A2M: variants seen among roughly 807,000 people sequenced by gnomAD.
The protein encoded by A2M is C3 and PZP-like alpha-2-macroglobulin domain-containing protein 5.
A2M carries 128 observed loss-of-function variants against 183.9 expected under a neutral mutation model. The observed-to-expected ratio is 0.70, with a 90% CI of 0.60 to 0.81. The LOEUF is 0.81. A2M is among the 30% of genes least tolerant of loss of function. The pLI is 0.00. For synonymous variants in A2M, 592 were observed against 670.8 expected, an observed-to-expected ratio of 0.88 and a Z score of 1.81; for missense variants, 1,495 against 1,787.6, an observed-to-expected ratio of 0.84 and a Z score of 2.95.
intron 22 of A2M, among the ~76,000 whole-genome samples, chr12:9,088,063 G>A (rs1949101038): frequency 6.6e-6 from 1 of 152,028 alleles, no homozygotes; most frequent in African/African-American, 2.4e-5. Flanking sequence ...TTTAACATAG[G>A]TAAATCTCCA....
At chr12:9,073,965 G>A (rs1006753562) in intron 29 of A2M, among the ~76,000 whole-genome samples, 2 of 151,902 alleles carry the variant, frequency 1.3e-5, no homozygotes, top group African/African-American at 4.8e-5. Flanking sequence ...GCACATGACT[G>A]TAATCCTAGA....
rs774606401 is a variant in A2M, at chr12:9,104,181, G to A, written c.1266+58C>T. 179 of 1,551,898 alleles carry A rather than the reference G, an allele frequency of 1.2e-4. 5 individuals are homozygous for A. The South Asian group carries it at 2.1e-3, about 18-fold the overall frequency. On this transcript the variant is annotated intron_variant, in intron 11 of 35. Transcript: ENST00000318602. Reference sequence around the variant, plus strand: ...AGTTTGGAAATTTTCTCACCCTTAGGTTGCAACCTTGTTTCCAAGGCTACT... The same window carrying A: ...AGTTTGGAAATTTTCTCACCCTTAGATTGCAACCTTGTTTCCAAGGCTACT...
At chr12:9,116,101 T>G, upstream of A2M, 1 of 463,734 alleles carries the variant, frequency 2.2e-6, no homozygotes, top group East Asian at 4.5e-5. Context: ...GGGCTAAAAC[T>G]ACATTCCCAT....
intron 13 of A2M, among the ~76,000 whole-genome samples, chr12:9,100,940 T>C (rs1414445764): frequency 6.6e-6 from 1 of 152,048 alleles, no homozygotes; most frequent in East Asian, 1.9e-4. Flanking sequence ...GACTGCAAAT[T>C]GGGTACAATG....
At chr12:9,087,209 T>C (rs1949076592) in intron 22 of A2M, among the ~76,000 whole-genome samples, 1 of 148,276 alleles carries the variant, frequency 6.7e-6, no homozygotes, top group African/African-American at 2.5e-5. Context: ...CAAAGCAATC[T>C]ACATATTGAA....
At position 9,112,379 on chromosome 12, in the gene A2M, G is replaced by T; in HGVS notation, c.428C>A (p.Thr143Lys). The T allele has an allele frequency of 1.2e-6, 2 of 1,613,436 alleles. No homozygotes were observed. The highest frequency in any genetic ancestry group is 1.7e-6 in the Non-Finnish European group (2 of 1,179,466). The change falls in exon 3 of 36, where the codon ACA (threonine) becomes AAA (lysine). Residue 143 changes from threonine to lysine, a missense_variant and splice_region_variant. Transcript: ENST00000318602. Reference protein sequence around the residue: ...TDKSIYKPGQTVKFRVVSMDE... With the variant: ...TDKSIYKPGQKVKFRVVSMDE... ...CCTGTCTGTAGGCTTCTTCATACCTGTCTGCCCTGGTTTGTAGATTGATTT... is the reference window on the plus strand; with the variant it reads ...CCTGTCTGTAGGCTTCTTCATACCTTTCTGCCCTGGTTTGTAGATTGATTT...
At chr12:9,068,028 G>T in intron 35 of A2M, 155 bp downstream of exon 35, 1 of 989,364 alleles carries the variant, frequency 1.0e-6, no homozygotes, top group Non-Finnish European at 1.5e-6. Flanking sequence ...AGAGTCAGCG[G>T]CCCTCTCCAA....
At chr12:9,095,727 C>T (rs1436349080) in intron 15 of A2M, 27 bp from the exon 16 acceptor site, 2 of 773,612 alleles carry the variant, frequency 2.6e-6, no homozygotes, top group East Asian at 3.0e-5. Flanking sequence ...GACAAAAAGG[C>T]AAACTTATTT....
chr12:9,112,238 C>T, intron 3 of A2M, 27 bp from the exon 4 acceptor site: 3 of 1,613,638 alleles, frequency 1.9e-6, no homozygotes, highest in Non-Finnish European at 2.5e-6. Flanking sequence ...TTTCATGAGC[C>T]CCCAAACCCA....
At chr12:9,079,397 T>C in intron 24 of A2M, 66 bp from the exon 25 acceptor site, 1 of 1,469,422 alleles carries the variant, frequency 6.8e-7, no homozygotes, top group Non-Finnish European at 9.5e-7. Context: ...GAGAAATTAC[T>C]AAAAGTACCT....
At chr12:9,070,338 AAC>A (rs1313963381) in intron 32 of A2M, 148 bp downstream of exon 32, 2 of 630,916 alleles carry the variant, frequency 3.2e-6, no homozygotes, top group African/African-American at 1.8e-5. Context: ...CATTCATACA[AAC>A]ACATGTGATT....
At chr12:9,096,877 T>A (rs888194251) in intron 15 of A2M, among the ~76,000 whole-genome samples, 5 of 152,164 alleles carry the variant, frequency 3.3e-5, no homozygotes, top group African/African-American at 1.2e-4. Context: ...CACTGCTTGA[T>A]CTCTACTAGC....
At chr12:9,094,796 G>A (rs1283510300) in intron 17 of A2M, among the ~76,000 whole-genome samples, 177 bp downstream of exon 17, 1 of 152,084 alleles carries the variant, frequency 6.6e-6, no homozygotes, top group Non-Finnish European at 1.5e-5. Context: ...CCTAACACAT[G>A]TACCTCCATT....
chr12:9,091,311 G>A lies in A2M; in HGVS notation c.2359C>T (p.Arg787Ter), dbSNP rs771770428. The A allele has an allele frequency of 7.4e-6, 12 of 1,614,002 alleles. No homozygotes were observed. Among genetic ancestry groups the A allele is most frequent in the South Asian group, 6.6e-5 (6 of 91,080 alleles). Residue 787 changes from arginine (R) to a stop codon, truncating the protein, a stop_gained, in exon 19 of 36, where the codon CGA becomes TGA. Transcript: ENST00000318602. LOFTEE classifies it high-confidence loss of function. ...GLGISSTASLRAFQPFFVELT... is the reference protein window; with the variant it reads ...GLGISSTASL ...TCCACAAAGAAGGGCTGGAAGGCTC[G>A]GAGAGAGGCAGTGGAAGAGATACCA...
In A2M at chr12:9,101,607, T is replaced by C. The variant is rs2137886695; in HGVS notation, c.1334A>G (p.His445Arg). 5 of 1,614,018 alleles carry C rather than the reference T, an allele frequency of 3.1e-6. No individual in the cohort carries two copies. In the South Asian group the frequency reaches 3.3e-5, roughly 11 times the overall value. ...GGAGAACACAAGATAAGCAGTGTGATGTGCCTCTTCGTGTTCTTCTGACAC... is the reference window on the plus strand; with the variant it reads ...GGAGAACACAAGATAAGCAGTGTGACGTGCCTCTTCGTGTTCTTCTGACAC... The part of the protein sequence containing the change: ...QWVSEEHEEA[H>R]HTAYLVFSPS... The change falls in exon 12 of 36, where the codon CAT becomes CGT. Residue 445 changes from histidine (H) to arginine (R), a missense_variant. His to Arg is a conservative substitution (Grantham distance 29, BLOSUM62 0). Coordinates refer to ENST00000318602, the MANE Select transcript of A2M (RefSeq NM_000014.6).
At chr12:9,074,912 C>G (rs1000227663) in intron 28 of A2M, 129 bp from the exon 29 acceptor site, 2 of 990,960 alleles carry the variant, frequency 2.0e-6, no homozygotes, top group African/African-American at 3.3e-5. Flanking sequence ...TATGTAGATG[C>G]TTTTCCCTTC....
intron 22 of A2M, among the ~76,000 whole-genome samples, chr12:9,081,619 G>C (rs1372057427): frequency 6.6e-6 from 1 of 152,182 alleles, no homozygotes; most frequent in Non-Finnish European, 1.5e-5. Context: ...TAGGAAGAAT[G>C]GTCTCACTTT....
In A2M at chr12:9,101,465, C is replaced by T. The variant is rs1395387048; in HGVS notation, c.1476G>A (p.Lys492=). 1 of 1,613,694 alleles carries T rather than the reference C, an allele frequency of 6.2e-7. No homozygotes were observed. Among genetic ancestry groups the T allele is most frequent in the Admixed American group, 1.7e-5 (1 of 60,012 alleles). The change falls in exon 12 of 36, where the codon AAG becomes AAA. Residue 492 remains lysine (K), a synonymous_variant. Transcript: ENST00000318602. ...TTCTCACCAGATAATAGAAGGAGAGCTTCTTCAGCCCCAGCAGGGTGCCTC... is the reference window on the plus strand; with the variant it reads ...TTCTCACCAGATAATAGAAGGAGAGTTTCTTCAGCCCCAGCAGGGTGCCTC... ...LNGGTLLGLK[K]LSFYYLIMAK... is the part of the protein sequence containing the mutation.
intron 22 of A2M, among the ~76,000 whole-genome samples, chr12:9,088,919 A>T (rs1431147440): frequency 6.6e-6 from 1 of 152,160 alleles, no homozygotes; most frequent in Non-Finnish European, 1.5e-5. Flanking sequence ...ATTAATTTTG[A>T]TTCTACCCAC....
Sources: gnomAD v4.1 joint callset for allele counts (sites outside exome capture counted in the v4.1 genomes callset) on GRCh38, gnomAD v4.1.1 for gene constraint, MANE v1.5 for transcripts, NCBI Gene and HGNC (gene_info 2026-07-23, HGNC 2026-07-21) for gene names.